Variants in CNBD1 observed in about 807,000 individuals in gnomAD.
The protein encoded by CNBD1 is cyclic nucleotide binding domain containing 1.
In CNBD1, 71 loss-of-function variants were observed where a neutral mutation model predicts 54.4. The observed-to-expected ratio is 1.30, with a 90% CI of 1.08 to 1.59. CNBD1 has a LOEUF of 1.59. Among genes scored for constraint, CNBD1 ranks in the 40% most tolerant of loss-of-function variants. The pLI is 0.00. For missense variants in CNBD1, 659 were observed against 518.0 expected, an observed-to-expected ratio of 1.27 and a Z score of -2.64; for synonymous variants, 182 against 170.7, an observed-to-expected ratio of 1.07 and a Z score of -0.51.
rs1309293093 is a variant in CNBD1, at chr8:87,294,942, G to C, written c.1042+8271G>C. 2.0e-5 allele frequency among the ~76,000 whole-genome samples: 3 copies of C among 151,650 alleles called. No homozygotes were observed. The East Asian group carries it at 5.8e-4, about 29-fold the overall frequency. ...AAATATAATCCAGTATCTCAACATA[G>C]ACTTTTCTGTGACAATTTTTTTTTA... On this transcript the variant is annotated intron_variant, in intron 8 of 10. Transcript: ENST00000518476.
At chr8:87,066,548 A>T (rs1810658680) in intron 4 of CNBD1, among the ~76,000 whole-genome samples, 1 of 151,968 alleles carries the variant, frequency 6.6e-6, no homozygotes, top group Admixed American at 6.6e-5. Flanking sequence ...TTTTCAATTA[A>T]ATAATGAATT....
At chr8:87,075,348 A>G (rs1210886695) in intron 4 of CNBD1, among the ~76,000 whole-genome samples, 3 of 152,318 alleles carry the variant, frequency 2.0e-5, no homozygotes, top group African/African-American at 7.2e-5. Context: ...CTAAACAAAG[A>G]AATCGATCCC....
Position 87,082,259 on chromosome 8 carries a change from C to T in CNBD1, c.432-123734C>T, listed in dbSNP as rs111588586. 3.0e-3 allele frequency among the ~76,000 whole-genome samples: 452 copies of T among 152,206 alleles called. 4 individuals carry two copies. Among genetic ancestry groups the T allele is most frequent in the African/African-American group, 0.01 (426 of 41,540 alleles). ...GCACCTTGTGACCCACACCCCTGCC[C>T]GCAAGAGATAACCACCTTTAACTGT... On this transcript the variant is annotated intron_variant, in intron 4 of 10. Transcript: ENST00000518476.
chr8:87,372,291 T>G (rs1052762483), intron 10 of CNBD1, among the ~76,000 whole-genome samples: 1 of 151,978 alleles, frequency 6.6e-6, no homozygotes, highest in Non-Finnish European at 1.5e-5. Flanking sequence ...TTTGTTTCTG[T>G]TTTTTGATAA....
At chr8:87,383,258 T>C (rs760364741), downstream of CNBD1, among the ~76,000 whole-genome samples, 24 of 152,104 alleles carry the variant, frequency 1.6e-4, no homozygotes, top group Non-Finnish European at 2.2e-4. Flanking sequence ...TCAGAAGTTA[T>C]TACACATGCT....
chr8:87,139,847 A>T (rs765272034), intron 4 of CNBD1, among the ~76,000 whole-genome samples: 12 of 152,182 alleles, frequency 7.9e-5, no homozygotes, highest in Non-Finnish European at 1.5e-4. Context: ...GATCAAGGAA[A>T]CTGTGCAGCT....
intron 4 of CNBD1, among the ~76,000 whole-genome samples, chr8:87,113,211 C>T (rs1811699938): frequency 6.6e-6 from 1 of 152,102 alleles, no homozygotes; most frequent in African/African-American, 2.4e-5. Context: ...CCAGTGTGAG[C>T]CATGGGCAGT....
chr8:87,216,382 A>C (rs1052579638), intron 5 of CNBD1, among the ~76,000 whole-genome samples: 1 of 152,182 alleles, frequency 6.6e-6, no homozygotes, highest in African/African-American at 2.4e-5. Context: ...CCATACATTG[A>C]ATATATCATA....
At chr8:87,131,682 T>C (rs1179749901) in intron 4 of CNBD1, among the ~76,000 whole-genome samples, 4 of 152,030 alleles carry the variant, frequency 2.6e-5, no homozygotes, top group Non-Finnish European at 5.9e-5. Context: ...TTTTGATCCA[T>C]AGATTTTTTT....
At chr8:87,230,711 A>G (rs1012263002) in intron 5 of CNBD1, among the ~76,000 whole-genome samples, 2 of 152,138 alleles carry the variant, frequency 1.3e-5, no homozygotes, top group Non-Finnish European at 1.5e-5. Context: ...TTGGTACATG[A>G]TATTTACTCT....
intron 2 of CNBD1, among the ~76,000 whole-genome samples, chr8:87,410,180 G>A (rs1807717576): frequency 6.6e-6 from 1 of 152,090 alleles, no homozygotes; most frequent in African/African-American, 2.4e-5. Context: ...CATTTACAAT[G>A]CACATAGTCA....
At chr8:86,961,461 A>G (rs1041838614) in intron 4 of CNBD1, among the ~76,000 whole-genome samples, 1 of 152,226 alleles carries the variant, frequency 6.6e-6, no homozygotes, top group African/African-American at 2.4e-5. Flanking sequence ...TTCCTATTCA[A>G]CAGTAAACTC....
At chr8:87,270,144 A>G (rs908792137) in intron 6 of CNBD1, among the ~76,000 whole-genome samples, 1 of 152,000 alleles carries the variant, frequency 6.6e-6, no homozygotes, top group African/African-American at 2.4e-5. Context: ...CATAAATAGA[A>G]TTAATAATAA....
At chr8:86,887,511 T>G in intron 1 of CNBD1, 31 bp from the exon 2 acceptor site, 2 of 1,393,084 alleles carry the variant, frequency 1.4e-6, no homozygotes, top group Non-Finnish European at 2.0e-6. Context: ...TTATGGAAAA[T>G]TACTCAAATT....
chr8:87,412,370 A>G (rs1807760752), intron 2 of CNBD1, among the ~76,000 whole-genome samples: 3 of 152,134 alleles, frequency 2.0e-5, no homozygotes, highest in African/African-American at 7.2e-5. Flanking sequence ...ATGTCAATAT[A>G]TCACTTCTGG....
chr8:87,080,114 G>A (rs1368343733), intron 4 of CNBD1, among the ~76,000 whole-genome samples: 1 of 152,012 alleles, frequency 6.6e-6, no homozygotes, highest in East Asian at 1.9e-4. Flanking sequence ...AAAATCAATT[G>A]AGCCTACATT....
chr8:87,386,292 T>G (rs113325661), downstream of CNBD1, among the ~76,000 whole-genome samples: 2,872 of 151,390 alleles, frequency 0.019, 92 homozygotes, highest in African/African-American at 0.063. Context: ...AGAGAAGAAG[T>G]TTTCAGACGA....
chr8:86,924,275 G>A (rs1032628109), intron 3 of CNBD1, among the ~76,000 whole-genome samples: 5 of 152,088 alleles, frequency 3.3e-5, no homozygotes, highest in African/African-American at 1.2e-4. Context: ...CTAGAACGAT[G>A]TTTTTTCATT....
At chr8:86,962,005 A>G (rs1196346699) in intron 4 of CNBD1, among the ~76,000 whole-genome samples, 1 of 152,198 alleles carries the variant, frequency 6.6e-6, no homozygotes, top group Non-Finnish European at 1.5e-5. Flanking sequence ...ACATGCAGGC[A>G]GGTTCTATGG....
Sources: gnomAD v4.1 joint callset for allele counts (sites outside exome capture counted in the v4.1 genomes callset) on GRCh38, gnomAD v4.1.1 for gene constraint, MANE v1.5 for transcripts, NCBI Gene and HGNC (gene_info 2026-07-23, HGNC 2026-07-21) for gene names.